Variants in EXOC6B observed in about 807,000 individuals in gnomAD.
EXOC6B encodes the protein SEC15 homolog B.
A neutral mutation model predicts 113.5 loss-of-function variants in EXOC6B; 54 were observed. The ratio of observed to expected loss-of-function variants is 0.48; its 90% CI spans 0.38 to 0.60. The LOEUF (loss-of-function observed/expected upper bound fraction) is 0.60. EXOC6B is among the 20% of genes least tolerant of loss of function. The pLI is 0.00. For synonymous variants in EXOC6B, 357 were observed against 339.0 expected (o/e 1.05, Z -0.58); for missense variants, 797 against 977.5 (o/e 0.82, Z 2.46).
chr2:72,309,471 C>T, intron 20 of EXOC6B, among the ~76,000 whole-genome samples: 1 of 152,120 alleles, frequency 6.6e-6, no homozygotes. Context: ...ATAATAGCAT[C>T]TAAGTTAAAT....
intron 20 of EXOC6B, among the ~76,000 whole-genome samples, chr2:72,289,914 A>C (rs1685680311): frequency 6.6e-6 from 1 of 152,158 alleles, no homozygotes; most frequent in Non-Finnish European, 1.5e-5. Context: ...GTTCTCTCTA[A>C]TGTGGATGGG....
intron 1 of EXOC6B, among the ~76,000 whole-genome samples, chr2:72,744,762 C>T (rs542237935): frequency 8.5e-5 from 13 of 152,138 alleles, no homozygotes; most frequent in Admixed American, 4.6e-4. Context: ...CAGAGATCTA[C>T]GGTAACGTCA....
At chr2:72,786,190 T>C (rs578085694) in intron 1 of EXOC6B, among the ~76,000 whole-genome samples, 132 of 152,358 alleles carry the variant, frequency 8.7e-4, no homozygotes, top group Admixed American at 1.8e-3. Context: ...AATAAATATT[T>C]ATTTAGGGTT....
chr2:72,366,460 T>G (rs1368784454), intron 19 of EXOC6B, among the ~76,000 whole-genome samples: 2 of 151,882 alleles, frequency 1.3e-5, no homozygotes, highest in African/African-American at 4.8e-5. Flanking sequence ...CACAGGACAA[T>G]GTGAAGTGGT....
At chr2:72,666,569 G>GA (rs1675404977) in intron 6 of EXOC6B, among the ~76,000 whole-genome samples, 1 of 151,868 alleles carries the variant, frequency 6.6e-6, no homozygotes, top group African/African-American at 2.4e-5. Context: ...ATCTAAAAAT[G>GA]AAAAAAGAAG....
At chr2:72,773,749 G>A (rs1046316075) in intron 1 of EXOC6B, among the ~76,000 whole-genome samples, 47 of 152,086 alleles carry the variant, frequency 3.1e-4, no homozygotes, top group Admixed American at 2.2e-3. Flanking sequence ...CTTTAATGTC[G>A]TCTTAACAGA....
At chr2:72,555,575 TATCC>T (rs1703491959) in intron 8 of EXOC6B, among the ~76,000 whole-genome samples, 1 of 152,218 alleles carries the variant, frequency 6.6e-6, no homozygotes, top group African/African-American at 2.4e-5. Flanking sequence ...TGTCTGTTCA[TATCC>T]TTTGCCCACT....
chr2:72,353,044 G>A (rs1468475679), intron 19 of EXOC6B, among the ~76,000 whole-genome samples: 1 of 152,132 alleles, frequency 6.6e-6, no homozygotes, highest in Non-Finnish European at 1.5e-5. Context: ...GGAGATTGGG[G>A]CATACTATGA....
intron 6 of EXOC6B, among the ~76,000 whole-genome samples, chr2:72,625,469 A>C (rs1671998007): frequency 6.6e-6 from 1 of 152,166 alleles, no homozygotes; most frequent in African/African-American, 2.4e-5. Flanking sequence ...ATTGATTGCC[A>C]GACTCTGGAG....
At chr2:72,590,185 T>G (rs1705846019) in intron 6 of EXOC6B, among the ~76,000 whole-genome samples, 1 of 151,984 alleles carries the variant, frequency 6.6e-6, no homozygotes, top group African/African-American at 2.4e-5. Context: ...CAAACGCATA[T>G]AAGACAACTT....
chr2:72,310,661 A>C (rs1294138928), intron 20 of EXOC6B, among the ~76,000 whole-genome samples: 1 of 152,086 alleles, frequency 6.6e-6, no homozygotes, highest in Non-Finnish European at 1.5e-5. Flanking sequence ...AGAAACAAAA[A>C]GTTTTTAATT....
Position 72,818,659 on chromosome 2 carries a change from C to T in EXOC6B, c.113+7139G>A, listed in dbSNP as rs184057421. On this transcript the variant is annotated intron_variant, in intron 1 of 21. Coordinates refer to ENST00000272427, the MANE Select transcript of EXOC6B (RefSeq NM_015189.3). ...CTGCTCAAAACTCTCCTGTACTTTC[C>T]CATAATGCTCAGAATAAAAACTCTC... is the stretch of plus-strand genomic sequence containing the variant. 2.6e-5 allele frequency among the ~76,000 whole-genome samples: 4 copies of T among 152,204 alleles called. No homozygotes were observed. The East Asian group carries it at 7.7e-4, about 29-fold the overall frequency.
chr2:72,777,067 C>T (rs745426167), intron 1 of EXOC6B, among the ~76,000 whole-genome samples: 1 of 151,988 alleles, frequency 6.6e-6, no homozygotes, highest in Non-Finnish European at 1.5e-5. Context: ...ATGTTGAAAC[C>T]CCATCTCTAA....
chr2:72,456,997 G>A (rs1027757998), intron 18 of EXOC6B, among the ~76,000 whole-genome samples: 1 of 150,310 alleles, frequency 6.7e-6, no homozygotes, highest in Non-Finnish European at 1.5e-5. Context: ...AAAAGTAGAC[G>A]AAAGGCATGG....
intron 18 of EXOC6B, among the ~76,000 whole-genome samples, chr2:72,428,119 C>A (rs1317515420): frequency 6.6e-6 from 1 of 152,216 alleles, no homozygotes; most frequent in East Asian, 1.9e-4. Context: ...AGCTCCTCTT[C>A]CTCTTGGTCA....
At chr2:72,196,598 G>A (rs1411802765) in intron 20 of EXOC6B, among the ~76,000 whole-genome samples, 1 of 152,142 alleles carries the variant, frequency 6.6e-6, no homozygotes, top group Non-Finnish European at 1.5e-5. Context: ...TTAGATAAGT[G>A]GTTCTTGACC....
At chr2:72,473,290 A>G (rs531395218) in intron 17 of EXOC6B, among the ~76,000 whole-genome samples, 42 of 152,090 alleles carry the variant, frequency 2.8e-4, no homozygotes, top group African/African-American at 9.6e-4. Context: ...AAGTGCCACA[A>G]TTTTATTATA....
intron 8 of EXOC6B, among the ~76,000 whole-genome samples, chr2:72,539,766 G>GTT (rs1702493047): frequency 6.6e-6 from 1 of 152,010 alleles, no homozygotes; most frequent in Non-Finnish European, 1.5e-5. Context: ...GCGCGCGCGT[G>GTT]TGTGTAGTCT....
intron 10 of EXOC6B, among the ~76,000 whole-genome samples, chr2:72,513,553 TG>T (rs1238498533): frequency 5.9e-5 from 9 of 151,934 alleles, no homozygotes; most frequent in African/African-American, 2.2e-4. Context: ...GTAGAGGTAA[TG>T]GAGGCAAATT....
Sources: allele counts gnomAD v4.1 joint callset (sites outside exome capture counted in the v4.1 genomes callset), GRCh38; gene constraint gnomAD v4.1.1; transcripts MANE v1.5; gene names NCBI Gene and HGNC (gene_info 2026-07-23, HGNC 2026-07-21).